SSPN: variants seen among roughly 807,000 people sequenced by gnomAD.
SSPN encodes sarcospan.
Under a neutral mutation model 19.1 loss-of-function variants are expected in SSPN, and 15 were observed. The ratio of observed to expected loss-of-function variants is 0.78; its 90% CI spans 0.52 to 1.21. The LOEUF (loss-of-function observed/expected upper bound fraction) is 1.21. Among genes scored for constraint, SSPN ranks in the 50% most tolerant of loss-of-function variants. The pLI is 0.00. For missense variants in SSPN, 291 were observed against 314.0 expected (o/e 0.93, Z 0.55); for synonymous variants, 147 against 140.3 (o/e 1.05, Z -0.34).
chr12:26,187,248 G>A (rs1944759938), intron 1 of SSPN, among the ~76,000 whole-genome samples: 1 of 152,222 alleles, frequency 6.6e-6, no homozygotes, highest in Non-Finnish European at 1.5e-5. Context: ...TCATGAAGTG[G>A]GCAGCAGTCC....
rs996967969 is a variant in SSPN, at chr12:26,188,695, G to A, written c.-30-35598G>A. Among the ~76,000 whole-genome samples the A allele has an allele frequency of 3.3e-5, 5 of 152,128 alleles. No individual in the cohort carries two copies. The South Asian group carries it at 8.3e-4, about 25-fold the overall frequency. On this transcript the variant is annotated intron_variant, in intron 1 of 2. Coordinates refer to the SSPN transcript ENST00000538142. Reference sequence around the variant, plus strand: ...TCCAGATCACACCATGACTATTTAGGATTTATAAATATTTATTAAAGCCAT... The same window carrying A: ...TCCAGATCACACCATGACTATTTAGAATTTATAAATATTTATTAAAGCCAT...
At chr12:26,139,506 A>G (rs1214091095) in intron 1 of SSPN, among the ~76,000 whole-genome samples, 1 of 152,190 alleles carries the variant, frequency 6.6e-6, no homozygotes, top group Non-Finnish European at 1.5e-5. Context: ...CCTGATTAAC[A>G]TTTTCTCTAT....
intron 1 of SSPN, among the ~76,000 whole-genome samples, chr12:26,165,449 G>A (rs185980162): frequency 1.9e-3 from 284 of 152,274 alleles, no homozygotes; most frequent in African/African-American, 6.7e-3. Context: ...GAATATTTTC[G>A]ATTTTGCACT....
At chr12:26,220,531 C>G (rs1456229964) in intron 1 of SSPN, among the ~76,000 whole-genome samples, 1 of 152,214 alleles carries the variant, frequency 6.6e-6, no homozygotes, top group Non-Finnish European at 1.5e-5. Flanking sequence ...AACTGGGTAA[C>G]TAACTAACAT....
At chr12:26,144,908 C>T (rs1944481125) in intron 1 of SSPN, among the ~76,000 whole-genome samples, 2 of 152,304 alleles carry the variant, frequency 1.3e-5, no homozygotes, top group African/African-American at 2.4e-5. Context: ...TCCGCCAATG[C>T]AGTATGAACT....
intron 1 of SSPN, among the ~76,000 whole-genome samples, chr12:26,142,268 G>A (rs1359460743): frequency 6.6e-6 from 1 of 152,178 alleles, no homozygotes. Context: ...ACTGTTGATA[G>A]TATATTGAAG....
chr12:26,161,516 C>G (rs1384674141), intron 1 of SSPN, among the ~76,000 whole-genome samples: 1 of 152,188 alleles, frequency 6.6e-6, no homozygotes, highest in East Asian at 1.9e-4. Flanking sequence ...ATTGGCTCTA[C>G]TTTTTTCCTT....
In SSPN at chr12:26,231,185, C is replaced by T; in HGVS notation, c.*109C>T. The T allele has an allele frequency of 1.7e-5, 22 of 1,331,058 alleles. No individual in the cohort carries two copies. The highest frequency in any genetic ancestry group is 2.2e-5 in the Non-Finnish European group (22 of 1,011,536). The allele number at this position is 1,331,058 out of a possible 1,614,324, so 82.5% of individuals were successfully genotyped here. On this transcript the variant is annotated 3_prime_UTR_variant, in exon 3 of 3. Coordinates refer to ENST00000242729, the MANE Select transcript of SSPN (RefSeq NM_005086.5). ...GGAAAAAAATTGACAATAAAAGTCA[C>T]TCTTCTAATTGAATATTTTTATATT...
At chr12:26,192,200 T>G (rs917222856), upstream of SSPN, among the ~76,000 whole-genome samples, 7 of 152,360 alleles carry the variant, frequency 4.6e-5, no homozygotes, top group East Asian at 1.2e-3. Context: ...AAACCATATA[T>G]TAACTACTGT....
rs75680969 is a variant in SSPN at position 26,227,193 on chromosome 12, G to T, written c.366+2814G>T. ...ATTACAGATTCTAACCCAGAAGCTT[G>T]TTGCTGTCAGATGAGTTAAAAGCCA... On this transcript the variant is annotated intron_variant, in intron 2 of 2. Coordinates refer to ENST00000242729, the MANE Select transcript of SSPN (RefSeq NM_005086.5). 7.5e-3 allele frequency among the ~76,000 whole-genome samples: 1,144 copies of T among 152,308 alleles called. 10 individuals carry two copies. Among genetic ancestry groups the T allele is most frequent in the African/African-American group, 0.025 (1,060 of 41,572 alleles).
At chr12:26,213,158 A>C (rs986562523) in intron 1 of SSPN, among the ~76,000 whole-genome samples, 3 of 152,100 alleles carry the variant, frequency 2.0e-5, no homozygotes, top group Admixed American at 6.6e-5. Flanking sequence ...AATGATTGTC[A>C]TTGTAAAACC....
intron 1 of SSPN, among the ~76,000 whole-genome samples, chr12:26,164,670 A>G (rs994919914): frequency 6.6e-6 from 1 of 152,062 alleles, no homozygotes; most frequent in Non-Finnish European, 1.5e-5. Context: ...CCTTTTCTAT[A>G]TTGCATTTGT....
intron 2 of SSPN, among the ~76,000 whole-genome samples, chr12:26,226,502 C>G (rs1437820883): frequency 6.7e-6 from 1 of 150,128 alleles, no homozygotes; most frequent in Non-Finnish European, 1.5e-5. Context: ...GCCACGGGCT[C>G]TTTTTTTTTT....
chr12:26,183,140 A>G (rs1197461266), intron 1 of SSPN, among the ~76,000 whole-genome samples: 2 of 152,208 alleles, frequency 1.3e-5, no homozygotes, highest in African/African-American at 4.8e-5. Flanking sequence ...TTTCCTGAAG[A>G]AGGTCTAAGT....
intron 1 of SSPN, among the ~76,000 whole-genome samples, chr12:26,205,079 C>T (rs1213649477): frequency 6.6e-6 from 1 of 152,148 alleles, no homozygotes; most frequent in Non-Finnish European, 1.5e-5. Context: ...GGAAAGCAGA[C>T]AGTTTGTTCA....
In SSPN at chr12:26,123,911, G is replaced by T. The variant is rs1054093037; in HGVS notation, c.-31+1759G>T. The T allele has an allele frequency of 1.9e-5, 14 of 742,756 alleles. No homozygotes were observed. In the Admixed American group the frequency reaches 2.9e-4, roughly 15 times the overall value. 46.0% of individuals were successfully genotyped at this position (742,756 alleles called of 1,614,324 possible). ...GGTTATAAATGATTTCTTGCCTTCA[G>T]CTGGGAGCACCTACTCCAGTTTGCG... On this transcript the variant is annotated intron_variant, in intron 1 of 2. Transcript: ENST00000538142.
chr12:26,153,095 A>C (rs1167245671), intron 1 of SSPN, among the ~76,000 whole-genome samples: 1 of 152,082 alleles, frequency 6.6e-6, no homozygotes, highest in African/African-American at 2.4e-5. Context: ...GTTTTATCTA[A>C]AGTAAGCCCC....
In SSPN at chr12:26,230,734, C is replaced by G. The variant is rs1945220839; in HGVS notation, c.390C>G (p.Ala130=). Residue 130 remains alanine, a synonymous_variant, in exon 3 of 3, where the codon GCC becomes GCG. Coordinates refer to ENST00000242729, the MANE Select transcript of SSPN (RefSeq NM_005086.5). ...AGCTGTTATACTTTCTGCTGAGTGCCCTGGGCCTGACGGTCTGTGTGCTGG... is the reference window on the plus strand; with the variant it reads ...AGCTGTTATACTTTCTGCTGAGTGCGCTGGGCCTGACGGTCTGTGTGCTGG... ...SMKLLYFLLS[A]LGLTVCVLAV... 3 of 1,613,560 alleles carry G rather than the reference C, an allele frequency of 1.9e-6. No homozygotes were observed.
intron 1 of SSPN, among the ~76,000 whole-genome samples, chr12:26,132,036 G>T (rs913619745): frequency 3.9e-5 from 6 of 152,180 alleles, no homozygotes; most frequent in African/African-American, 1.4e-4. Flanking sequence ...GGTCATGGGA[G>T]CCCCTGCCAG....
Sources: gnomAD v4.1 joint callset for allele counts (sites outside exome capture counted in the v4.1 genomes callset) on GRCh38, gnomAD v4.1.1 for gene constraint, MANE v1.5 for transcripts, NCBI Gene and HGNC (gene_info 2026-07-23, HGNC 2026-07-21) for gene names.